Variants in TFAM observed in about 807,000 individuals in gnomAD.
TFAM encodes mitochondrial transcription factor 1.
Under a neutral mutation model 30.6 loss-of-function variants are expected in TFAM, and 13 were observed. The ratio of observed to expected loss-of-function variants is 0.42; its 90% CI spans 0.28 to 0.67. The LOEUF is 0.67. Ranked by LOEUF, TFAM falls within the 30% of genes least tolerant of loss-of-function variation. The pLI is 0.21. For missense variants in TFAM, 231 were observed against 293.7 expected (o/e 0.79, Z 1.56); for synonymous variants, 106 against 94.8 (o/e 1.12, Z -0.69).
At chr10:58,388,856 G>C (rs745401132) in intron 4 of TFAM, 37 bp downstream of exon 4, 2 of 1,547,228 alleles carry the variant, frequency 1.3e-6, no homozygotes, top group Non-Finnish European at 1.8e-6. Context: ...TTATGGTAAA[G>C]AATTGAGATT....
chr10:58,389,977 A>G (rs550558566), intron 4 of TFAM, among the ~76,000 whole-genome samples: 26 of 152,342 alleles, frequency 1.7e-4, no homozygotes, highest in African/African-American at 5.8e-4. Context: ...CTAGAAACAA[A>G]GAGGGAAATA....
chr10:58,392,884 C>T (rs1234207750), intron 5 of TFAM, among the ~76,000 whole-genome samples: 1 of 152,020 alleles, frequency 6.6e-6, no homozygotes, highest in African/African-American at 2.4e-5. Context: ...TCATATTACC[C>T]CAGGCTGGTC....
Position 58,397,678 on chromosome 10 carries a change from C to T in TFAM, c.*2604C>T, listed in dbSNP as rs190197688. 4.6e-5 allele frequency: 7 copies of T among 152,078 alleles called. No homozygotes were observed. The highest frequency in any genetic ancestry group is 1.7e-4 in the African/African-American group (7 of 41,458). The allele number at this position is 152,078 out of a possible 1,614,324, so 9.4% of individuals were successfully genotyped here. A position where few individuals can be genotyped will look rare whatever the true frequency, so the allele number is the denominator to read the frequency against. ...TATACCAAATGCCATTCAGCTGTAA[C>T]AGTATACACAGATTTTCTCTTATAA... On this transcript the variant is annotated 3_prime_UTR_variant, in exon 7 of 7. Coordinates refer to ENST00000487519, the MANE Select transcript of TFAM (RefSeq NM_003201.3).
rs529130818 is a variant in TFAM, at chr10:58,395,906, A to G, written c.*832A>G. 124 of 214,444 alleles carry G rather than the reference A, an allele frequency of 5.8e-4. 7 individuals carry two copies. In the South Asian group the frequency reaches 0.023, roughly 39 times the overall value. 13.3% of individuals were successfully genotyped at this position (214,444 alleles called of 1,614,324 possible). On this transcript the variant is annotated 3_prime_UTR_variant, in exon 7 of 7. Transcript: ENST00000487519. ...TTTAAAATGAGAAATCTAAAAAACG[A>G]AAAGTCTCCAAAGTCTCTGGAATTT...
At position 58,394,478 on chromosome 10, in the gene TFAM, G is replaced by A. The variant is rs752400712; in HGVS notation, c.594+64G>A. ...GATATCTGTGAGAGAATGTATTAGG[G>A]CAAGGCTTGATTCATGTGAAGACAA... On this transcript the variant is annotated intron_variant, in intron 6 of 6. Transcript: ENST00000487519. 50 of 1,354,256 alleles carry A rather than the reference G, an allele frequency of 3.7e-5. No homozygotes were observed. The Admixed American group carries it at 8.4e-4, about 23-fold the overall frequency. 83.9% of individuals were successfully genotyped at this position (1,354,256 alleles called of 1,614,324 possible). A position where few individuals can be genotyped will look rare whatever the true frequency, so the allele number is the denominator to read the frequency against.
chr10:58,387,354 A>G (rs1343624030), intron 2 of TFAM, among the ~76,000 whole-genome samples: 2 of 152,250 alleles, frequency 1.3e-5, no homozygotes, highest in Non-Finnish European at 2.9e-5. Context: ...TTTTAAATGT[A>G]AGAGTTAGTA....
At chr10:58,385,842 A>G (rs956320029) in intron 1 of TFAM, among the ~76,000 whole-genome samples, 194 bp downstream of exon 1, 7 of 152,074 alleles carry the variant, frequency 4.6e-5, no homozygotes, top group African/African-American at 1.7e-4. Flanking sequence ...AATACGCCGT[A>G]CCTTCTTGCT....
intron 1 of TFAM, 138 bp from the exon 2 acceptor site, chr10:58,386,082 G>A: frequency 1.3e-6 from 1 of 771,450 alleles, no homozygotes; most frequent in South Asian, 1.4e-5. Context: ...GTTTTAATAA[G>A]TCTCTAGCAT....
intron 6 of TFAM, chr10:58,394,623 C>T (rs1840650375): frequency 1.4e-6 from 1 of 697,626 alleles, no homozygotes; most frequent in Non-Finnish European, 2.6e-6. Flanking sequence ...AACCACAGCA[C>T]TCATAAGCCT....
rs778094405 is a variant in TFAM at position 58,394,404 on chromosome 10, C to G, written c.584C>G (p.Ser195Cys). The G allele has an allele frequency of 6.2e-7, 1 of 1,613,494 alleles. No homozygotes were observed. The highest frequency in any genetic ancestry group is 8.5e-7 in the Non-Finnish European group (1 of 1,179,562). ...VKENWKNLSD[S>C]EKELYIQHAK... Reference sequence around the variant, plus strand: ...GAAAACTGGAAAAATCTGTCTGACTCTGAAAAGGAAGTGAGTATTACGGTT... The same window carrying G: ...GAAAACTGGAAAAATCTGTCTGACTGTGAAAAGGAAGTGAGTATTACGGTT... Residue 195 changes from serine to cysteine, a missense_variant, in exon 6 of 7, where the codon TCT becomes TGT. By Grantham distance (112) the Ser-to-Cys change is moderately radical (BLOSUM62 -1). Coordinates refer to ENST00000487519, the MANE Select transcript of TFAM (RefSeq NM_003201.3).
At chr10:58,387,700 C>T (rs1840516445) in intron 2 of TFAM, among the ~76,000 whole-genome samples, 1 of 152,080 alleles carries the variant, frequency 6.6e-6, no homozygotes. Flanking sequence ...GAGACTGAGG[C>T]AGATGGATTG....
rs1287706096 is a variant in TFAM, at chr10:58,398,359, T to C, written c.*3285T>C. 6.6e-6 allele frequency: 1 copy of C among 152,264 alleles called. No individual in the cohort carries two copies. The highest frequency in any genetic ancestry group is 1.9e-4 in the East Asian group (1 of 5,202). 9.4% of individuals were successfully genotyped at this position (152,264 alleles called of 1,614,324 possible). A position where few individuals can be genotyped will look rare whatever the true frequency, so the allele number is the denominator to read the frequency against. On this transcript the variant is annotated 3_prime_UTR_variant, in exon 7 of 7. Transcript: ENST00000487519. The stretch of plus-strand genomic sequence containing the variant: ...TCATGAATAGGCATACAGTAGTTTT[T>C]ATACTTTTGTTCTTTGGAGTACCAA...
At chr10:58,390,954 A>C in intron 5 of TFAM, 94 bp downstream of exon 5, 1 of 1,106,380 alleles carries the variant, frequency 9.0e-7, no homozygotes. Flanking sequence ...AAAGTAGTGA[A>C]TATCCAGACA....
At position 58,398,640 on chromosome 10, in the gene TFAM, TTAAAG is replaced by T. The variant is rs1224282681; in HGVS notation, c.*3570_*3574del. On this transcript the variant is annotated 3_prime_UTR_variant, in exon 7 of 7. Coordinates refer to ENST00000487519, the MANE Select transcript of TFAM (RefSeq NM_003201.3). ...AAAAAATAGCGTACAATAAGTAGATTTAAAGTAATTAGAACACTTTATTGATTTTT... is the reference window on the plus strand; with the variant it reads ...AAAAAATAGCGTACAATAAGTAGATTTAATTAGAACACTTTATTGATTTTT... The T allele has an allele frequency of 1.3e-5, 2 of 152,250 alleles. No homozygotes were observed. Among genetic ancestry groups the T allele is most frequent in the African/African-American group, 2.4e-5 (1 of 41,464 alleles). The allele number at this position is 152,250 out of a possible 1,614,324, so 9.4% of individuals were successfully genotyped here. A position where few individuals can be genotyped will look rare whatever the true frequency, so the allele number is the denominator to read the frequency against.
rs1369228138 is a variant in TFAM, at chr10:58,385,600, G to C, written c.53G>C (p.Gly18Ala). 1.3e-6 allele frequency: 2 copies of C among 1,569,326 alleles called. No homozygotes were observed. The highest frequency in any genetic ancestry group is 2.3e-5 in the South Asian group (2 of 85,198). The change falls in exon 1 of 7, where the codon GGA (glycine) becomes GCA (alanine). Residue 18 changes from glycine to alanine, a missense_variant. Gly to Ala is a moderately conservative substitution (Grantham distance 60, BLOSUM62 0). Coordinates refer to ENST00000487519, the MANE Select transcript of TFAM (RefSeq NM_003201.3). Reference protein sequence around the residue: ...WGVLSALGRSGAELCTGCGSR... With the variant: ...WGVLSALGRSAAELCTGCGSR... ...GTGCTGAGTGCCCTGGGAAGGTCTG[G>C]AGCAGAGCTGTGCACCGGCTGTGGA...
chr10:58,387,902 C>T (rs1263011223), intron 2 of TFAM, among the ~76,000 whole-genome samples: 1 of 151,626 alleles, frequency 6.6e-6, no homozygotes, highest in Non-Finnish European at 1.5e-5. Flanking sequence ...CGCACTGCAG[C>T]CTGGGTGATG....
At position 58,386,303 on chromosome 10, in the gene TFAM, A is replaced by C; in HGVS notation, c.185A>C (p.Lys62Thr). ...GTAAGTTCTTACCTTCGATTTTCTA[A>C]AGAACAACTACCCATATTTAAAGCT... is the stretch of plus-strand genomic sequence containing the variant. ...KPVSSYLRFS[K>T]EQLPIFKAQN... is the part of the protein sequence containing the mutation. Residue 62 changes from lysine (K) to threonine (T), a missense_variant, in exon 2 of 7, where the codon AAA becomes ACA. Lys to Thr is a moderately conservative substitution (Grantham distance 78, BLOSUM62 -1). Coordinates refer to ENST00000487519, the MANE Select transcript of TFAM (RefSeq NM_003201.3). The C allele has an allele frequency of 6.2e-7, 1 of 1,613,864 alleles. No homozygotes were observed. Among genetic ancestry groups the C allele is most frequent in the Non-Finnish European group, 8.5e-7 (1 of 1,179,880 alleles).
At chr10:58,387,532 T>C (rs1283632395) in intron 2 of TFAM, among the ~76,000 whole-genome samples, 2 of 152,246 alleles carry the variant, frequency 1.3e-5, no homozygotes, top group African/African-American at 4.8e-5. Flanking sequence ...ATTTTGTTGT[T>C]AGCTTTTATA....
intron 4 of TFAM, among the ~76,000 whole-genome samples, chr10:58,390,206 A>G (rs777950277): frequency 4.6e-5 from 7 of 152,212 alleles, no homozygotes; most frequent in Non-Finnish European, 8.8e-5. Flanking sequence ...ATAATAATGC[A>G]ATATCACTCC....
Sources: allele counts gnomAD v4.1 joint callset (sites outside exome capture counted in the v4.1 genomes callset), GRCh38; gene constraint gnomAD v4.1.1; transcripts MANE v1.5; gene names NCBI Gene and HGNC (gene_info 2026-07-23, HGNC 2026-07-21).